PCDHA13: variants seen among roughly 807,000 people sequenced by gnomAD.
PCDHA13 encodes the protein protocadherin alpha 13.
PCDHA13 carries 54 observed loss-of-function variants against 64.8 expected under a neutral mutation model. That is an observed-to-expected ratio of 0.83 (90% CI 0.67 to 1.04). PCDHA13 has a LOEUF of 1.04. PCDHA13 is among the 50% of genes least tolerant of loss of function. The pLI is 0.00. For synonymous variants in PCDHA13, 587 were observed against 564.4 expected (o/e 1.04, Z -0.57); for missense variants, 1,248 against 1,254.3 (o/e 0.99, Z 0.08).
At chr5:140,906,821 G>A (rs1354317622) in intron 1 of PCDHA13, among the ~76,000 whole-genome samples, 7 of 152,220 alleles carry the variant, frequency 4.6e-5, no homozygotes, top group Non-Finnish European at 7.3e-5. Flanking sequence ...CCACTGTGGA[G>A]TAGTAGACTG....
At chr5:140,927,133 G>A (rs2083881073) in intron 1 of PCDHA13, 16 of 1,613,984 alleles carry the variant, frequency 9.9e-6, no homozygotes, top group Non-Finnish European at 1.4e-5. Context: ...CAGAGAGCCG[G>A]CGGACCGCGA....
chr5:140,915,324 T>G (rs782080439), intron 1 of PCDHA13, among the ~76,000 whole-genome samples: 1 of 152,210 alleles, frequency 6.6e-6, no homozygotes, highest in Non-Finnish European at 1.5e-5. Flanking sequence ...ATTACAGTGT[T>G]ATAATATTCT....
In PCDHA13 at chr5:140,927,773, A is replaced by G. The variant is rs143568645; in HGVS notation, c.2394+43111A>G. ...GTGCACCCTAAAAGTGGGGAGGTGC[A>G]AGTAGCTGCTTCACTAGGTCCGCCT... is the stretch of plus-strand genomic sequence containing the variant. On this transcript the variant is annotated intron_variant, in intron 1 of 3. Coordinates refer to ENST00000289272, the MANE Select transcript of PCDHA13 (RefSeq NM_018904.3). 201 of 1,614,196 alleles carry G rather than the reference A, an allele frequency of 1.2e-4. 4 individuals carry two copies. In the Middle Eastern group the frequency reaches 2.1e-3, roughly 17 times the overall value.
chr5:140,928,474 C>T, intron 1 of PCDHA13: 1 of 1,614,090 alleles, frequency 6.2e-7, no homozygotes, highest in Non-Finnish European at 8.5e-7. Flanking sequence ...AGTAGAAGGC[C>T]GGGATGGTGG....
intron 1 of PCDHA13, among the ~76,000 whole-genome samples, chr5:140,892,561 A>G (rs766284976): frequency 1.3e-5 from 2 of 152,156 alleles, no homozygotes; most frequent in Non-Finnish European, 2.9e-5. Context: ...GTCCTTGGAG[A>G]CTGTCAAAAG....
intron 1 of PCDHA13, among the ~76,000 whole-genome samples, chr5:140,908,903 C>T (rs116633080): frequency 2.5e-3 from 374 of 152,278 alleles, no homozygotes; most frequent in African/African-American, 8.5e-3. Context: ...AAGCCTCTTT[C>T]GTGGTTGTAG....
At chr5:141,001,289 TGAGGCCCA>T (rs1387793441) in intron 3 of PCDHA13, among the ~76,000 whole-genome samples, 1 of 152,150 alleles carries the variant, frequency 6.6e-6, no homozygotes, top group Non-Finnish European at 1.5e-5. Context: ...GGATGAAAAC[TGAGGCCCA>T]GAGATATGAA....
intron 2 of PCDHA13, chr5:140,982,242 AAAG>A (rs2096973421): frequency 2.9e-6 from 2 of 701,584 alleles, no homozygotes; most frequent in African/African-American, 3.6e-5. Flanking sequence ...GAATTGCCAT[AAAG>A]ATAGAACATG....
intron 1 of PCDHA13, among the ~76,000 whole-genome samples, chr5:140,941,214 C>CTTTTT (rs1554214039): frequency 1.2e-4 from 15 of 122,492 alleles, no homozygotes; most frequent in African/African-American, 4.3e-4. Context: ...TTTCTTTCTT[C>CTTTTT]CTTTCTTTCT....
chr5:140,899,253 A>T (rs1340284203), intron 1 of PCDHA13, among the ~76,000 whole-genome samples: 1 of 152,284 alleles, frequency 6.6e-6, no homozygotes, highest in East Asian at 1.9e-4. Context: ...GAGAGAGGGC[A>T]TCCCTGTCTT....
chr5:140,883,128 C>G lies in PCDHA13; in HGVS notation c.860C>G (p.Pro287Arg), dbSNP rs782352091. ...TACTCATTTAGAAGGCCTGTATGGC[C>G]TGCAGTGGTATATGCATTTACCATA... ...IVYSFRRPVWPAVVYAFTINP... is the reference protein window; with the variant it reads ...IVYSFRRPVWRAVVYAFTINP... The change falls in exon 1 of 4, where the codon CCT becomes CGT. Residue 287 changes from proline (P) to arginine (R), a missense_variant. Pro to Arg is a moderately radical substitution (Grantham distance 103). Transcript: ENST00000289272. The G allele has an allele frequency of 6.2e-7, 1 of 1,614,060 alleles. No individual in the cohort carries two copies. Among genetic ancestry groups the G allele is most frequent in the Non-Finnish European group, 8.5e-7 (1 of 1,180,032 alleles).
intron 3 of PCDHA13, among the ~76,000 whole-genome samples, chr5:141,002,246 C>T (rs1217451636): frequency 6.6e-6 from 1 of 152,190 alleles, no homozygotes; most frequent in Non-Finnish European, 1.5e-5. Flanking sequence ...CTTTATTAAC[C>T]TCAGCACTGA....
intron 1 of PCDHA13, among the ~76,000 whole-genome samples, chr5:140,941,214 C>CCTTCCTTTCTTTCTTTCTTTCTTT (rs1554214040): frequency 1.1e-4 from 13 of 122,412 alleles, no homozygotes; most frequent in Non-Finnish European, 1.5e-4. Flanking sequence ...TTTCTTTCTT[C>CCTTCCTTTCTTTCTTTCTTTCTTT]CTTTCTTTCT....
intron 1 of PCDHA13, among the ~76,000 whole-genome samples, chr5:140,957,190 A>G (rs2153712685): frequency 6.6e-6 from 1 of 152,294 alleles, no homozygotes; most frequent in South Asian, 2.1e-4. Context: ...TTGATGACCG[A>G]TTGGGAATAT....
chr5:140,896,594 C>G (rs1583238277), intron 1 of PCDHA13, among the ~76,000 whole-genome samples: 1 of 150,950 alleles, frequency 6.6e-6, no homozygotes, highest in Non-Finnish European at 1.5e-5. Flanking sequence ...CCAGGCTGGT[C>G]TCGAACTCCT....
intron 1 of PCDHA13, among the ~76,000 whole-genome samples, chr5:140,977,624 T>C (rs139722248): frequency 6.6e-6 from 1 of 152,088 alleles, no homozygotes. Flanking sequence ...TATCCCAGAG[T>C]TGTAACTTTT....
chr5:140,891,592 T>G (rs1162338197), intron 1 of PCDHA13, among the ~76,000 whole-genome samples: 1 of 152,216 alleles, frequency 6.6e-6, no homozygotes, highest in East Asian at 1.9e-4. Context: ...TATTACTCTA[T>G]CCCATCTATT....
rs142471747 is a variant in PCDHA13 at position 140,940,002 on chromosome 5, C to T, written c.2395-38947C>T. On this transcript the variant is annotated intron_variant, in intron 1 of 3. Transcript: ENST00000289272. ...TGAATTGTTTCTCCTTGGATTTTGT[C>T]AATTTTTTGTGTCATATGTTTTAAG... Among the ~76,000 whole-genome samples the T allele has an allele frequency of 5.4e-3, 828 of 152,138 alleles. 3 individuals carry two copies. The highest frequency in any genetic ancestry group is 0.019 in the African/African-American group (797 of 41,516).
At position 140,905,827 on chromosome 5, in the gene PCDHA13, A is replaced by T. The variant is rs140988076; in HGVS notation, c.2394+21165A>T. 2.2e-3 allele frequency among the ~76,000 whole-genome samples: 329 copies of T among 152,298 alleles called. 1 individual carries two copies. The highest frequency in any genetic ancestry group is 7.5e-3 in the African/African-American group (311 of 41,554). The stretch of plus-strand genomic sequence containing the variant: ...CAGAATTAATAGGCTAGATGTGTAT[A>T]TAAAGGGGAGTTTATTAAGGAGTAT... On this transcript the variant is annotated intron_variant, in intron 1 of 3. Coordinates refer to ENST00000289272, the MANE Select transcript of PCDHA13 (RefSeq NM_018904.3).
Sources: allele counts gnomAD v4.1 joint callset (sites outside exome capture counted in the v4.1 genomes callset), GRCh38; gene constraint gnomAD v4.1.1; transcripts MANE v1.5; gene names NCBI Gene and HGNC (gene_info 2026-07-23, HGNC 2026-07-21).